The following ASAP2 variants were observed in gnomAD, a reference collection of about 807,000 sequenced individuals.
ASAP2 encodes ArfGAP with SH3 domain, ankyrin repeat and PH domain 2.
Under a neutral mutation model 131.4 loss-of-function variants are expected in ASAP2, and 45 were observed. That is an observed-to-expected ratio of 0.34 (90% CI 0.27 to 0.44). The LOEUF (loss-of-function observed/expected upper bound fraction) is 0.44. Among genes scored for constraint, ASAP2 ranks in the 20% least tolerant of loss-of-function variants. The pLI is 1.00. For synonymous variants in ASAP2, 510 were observed against 503.0 expected (o/e 1.01, Z -0.19); for missense variants, 1,011 against 1,297.0 (o/e 0.78, Z 3.39).
At chr2:9,298,366 G>GT (rs1166127337) in intron 3 of ASAP2, among the ~76,000 whole-genome samples, 2 of 152,226 alleles carry the variant, frequency 1.3e-5, no homozygotes, top group East Asian at 3.8e-4. Flanking sequence ...TCACATGTGA[G>GT]TTCCTAATGG....
At chr2:9,267,679 T>C (rs538251985) in intron 1 of ASAP2, among the ~76,000 whole-genome samples, 7 of 152,140 alleles carry the variant, frequency 4.6e-5, no homozygotes, top group Non-Finnish European at 1.0e-4. Context: ...GGTGGATCAC[T>C]TGAGGCCGGG....
Position 9,257,581 on chromosome 2 carries a change from C to T in ASAP2, c.127-21736C>T, listed in dbSNP as rs111927318. 2.0e-3 allele frequency among the ~76,000 whole-genome samples: 308 copies of T among 152,280 alleles called. 1 individual carries two copies. Among genetic ancestry groups the T allele is most frequent in the African/African-American group, 6.5e-3 (272 of 41,556 alleles). On this transcript the variant is annotated intron_variant, in intron 1 of 27. Transcript: ENST00000281419. ...TCACTCAGGCTGGAGTGCAGTGGCA[C>T]GATCTCCATTCACGTCAACCTTCGT... is the stretch of plus-strand genomic sequence containing the variant.
At chr2:9,329,113 G>A (rs1192870296) in intron 7 of ASAP2, among the ~76,000 whole-genome samples, 1 of 152,076 alleles carries the variant, frequency 6.6e-6, no homozygotes, top group Non-Finnish European at 1.5e-5. Flanking sequence ...AGTAGGAGCC[G>A]GCAGATAAGG....
chr2:9,272,029 G>C (rs1666437495), intron 1 of ASAP2, among the ~76,000 whole-genome samples: 1 of 152,086 alleles, frequency 6.6e-6, no homozygotes, highest in Non-Finnish European at 1.5e-5. Context: ...CGGGAGAGCA[G>C]GTACCTCTTT....
At chr2:9,274,824 C>G (rs79547913) in intron 1 of ASAP2, among the ~76,000 whole-genome samples, 2 of 152,254 alleles carry the variant, frequency 1.3e-5, no homozygotes, top group South Asian at 2.1e-4. Context: ...TGTAGAAAAG[C>G]AAGTTTATGC....
At chr2:9,381,907 T>G (rs1033075450) in intron 20 of ASAP2, among the ~76,000 whole-genome samples, 1 of 150,320 alleles carries the variant, frequency 6.7e-6, no homozygotes, top group Non-Finnish European at 1.5e-5. Flanking sequence ...CTATTAATAA[T>G]AAATGCTATA....
intron 1 of ASAP2, among the ~76,000 whole-genome samples, chr2:9,263,639 C>T (rs1228794281): frequency 6.6e-6 from 1 of 152,234 alleles, no homozygotes; most frequent in Non-Finnish European, 1.5e-5. Flanking sequence ...GCACAGACCT[C>T]CCGGGAGTGC....
intron 3 of ASAP2, among the ~76,000 whole-genome samples, chr2:9,305,524 T>A (rs1256926506): frequency 1.8e-4 from 22 of 124,668 alleles, no homozygotes; most frequent in Non-Finnish European, 3.2e-4. Flanking sequence ...TAGATATTGG[T>A]GGAGGGGCTG....
At chr2:9,280,107 C>T (rs1667035076) in intron 2 of ASAP2, among the ~76,000 whole-genome samples, 1 of 152,202 alleles carries the variant, frequency 6.6e-6, no homozygotes, top group South Asian at 2.1e-4. Context: ...TGATGGGTTG[C>T]TCAGGGGAGC....
intron 1 of ASAP2, among the ~76,000 whole-genome samples, chr2:9,234,970 A>G (rs1315001090): frequency 6.6e-6 from 1 of 152,092 alleles, no homozygotes; most frequent in East Asian, 1.9e-4. Flanking sequence ...GGAATTTGAG[A>G]ATGGCATGGA....
At position 9,344,605 on chromosome 2, in the gene ASAP2, G is replaced by A. The variant is rs768723108; in HGVS notation, c.923G>A (p.Arg308Gln). 1.7e-5 allele frequency: 27 copies of A among 1,614,160 alleles called. No homozygotes were observed. Among genetic ancestry groups the A allele is most frequent in the Non-Finnish European group, 2.3e-5 (27 of 1,180,024 alleles). The change falls in exon 10 of 28, where the codon CGG becomes CAG. Residue 308 changes from arginine (R) to glutamine (Q), a missense_variant. Physicochemically the swap from Arg to Gln is conservative, Grantham distance 43. Coordinates refer to ENST00000281419, the MANE Select transcript of ASAP2 (RefSeq NM_003887.3). ...GGAAACAAGGAACATGGGACCGAGCGGAACGGCAGCCTCTACAAGAAGAGT... is the reference window on the plus strand; with the variant it reads ...GGAAACAAGGAACATGGGACCGAGCAGAACGGCAGCCTCTACAAGAAGAGT... Reference protein sequence around the residue: ...PQGNKEHGTERNGSLYKKSDG... With the variant: ...PQGNKEHGTEQNGSLYKKSDG...
At chr2:9,354,982 A>G (rs1230093525) in intron 12 of ASAP2, among the ~76,000 whole-genome samples, 3 of 152,160 alleles carry the variant, frequency 2.0e-5, no homozygotes, top group Non-Finnish European at 4.4e-5. Flanking sequence ...ATTAAATATA[A>G]TTTTATTTTT....
chr2:9,274,317 A>ATATTTTT (rs1666605101), intron 1 of ASAP2, among the ~76,000 whole-genome samples: 1 of 95,600 alleles, frequency 1.0e-5, no homozygotes, highest in African/African-American at 3.9e-5. Context: ...CTAGCATTCA[A>ATATTTTT]TCTTTTTTTT....
In ASAP2 at chr2:9,261,629, C is replaced by A. The variant is rs538194698; in HGVS notation, c.127-17688C>A. Among the ~76,000 whole-genome samples, 25 of 152,334 alleles carry A rather than the reference C, an allele frequency of 1.6e-4. 1 individual carries two copies. The South Asian group carries it at 2.3e-3, about 14-fold the overall frequency. Reference sequence around the variant, plus strand: ...TGAGTGGCACAGTAGGCCTTTCTTTCCCTGGGAGCACTTTGGGAGCTTTGG... The same window carrying A: ...TGAGTGGCACAGTAGGCCTTTCTTTACCTGGGAGCACTTTGGGAGCTTTGG... On this transcript the variant is annotated intron_variant, in intron 1 of 27. Coordinates refer to ENST00000281419, the MANE Select transcript of ASAP2 (RefSeq NM_003887.3).
chr2:9,322,272 C>T (rs1221066720), intron 5 of ASAP2, among the ~76,000 whole-genome samples: 1 of 152,164 alleles, frequency 6.6e-6, no homozygotes, highest in Non-Finnish European at 1.5e-5. Context: ...ACACTCTAGT[C>T]CTCCTTGCCC....
At chr2:9,400,293 CTT>C in intron 25 of ASAP2, among the ~76,000 whole-genome samples, 1 of 95,470 alleles carries the variant, frequency 1.0e-5, no homozygotes, top group Non-Finnish European at 1.9e-5. Context: ...TCCTTCCTTC[CTT>C]CCTCCCCCAC....
intron 3 of ASAP2, among the ~76,000 whole-genome samples, chr2:9,316,048 G>A (rs1669650873): frequency 6.6e-6 from 1 of 152,036 alleles, no homozygotes; most frequent in Non-Finnish European, 1.5e-5. Flanking sequence ...TCCAGGCGTG[G>A]TGGCTCATGC....
chr2:9,401,194 G>T, intron 26 of ASAP2, 80 bp from the exon 27 acceptor site: 2 of 1,561,898 alleles, frequency 1.3e-6, no homozygotes, highest in South Asian at 1.2e-5. Context: ...TGAGACCGGG[G>T]AAGGCAGGGT....
At chr2:9,241,334 T>C (rs1663951124) in intron 1 of ASAP2, among the ~76,000 whole-genome samples, 1 of 152,228 alleles carries the variant, frequency 6.6e-6, no homozygotes, top group Non-Finnish European at 1.5e-5. Flanking sequence ...CTGATAGTTT[T>C]TGGTGAGAGG....
Sources: allele counts gnomAD v4.1 joint callset (sites outside exome capture counted in the v4.1 genomes callset), GRCh38; gene constraint gnomAD v4.1.1; transcripts MANE v1.5; gene names NCBI Gene and HGNC (gene_info 2026-07-23, HGNC 2026-07-21).